SEMA4G: variants seen among roughly 807,000 people sequenced by gnomAD.
The protein encoded by SEMA4G is semaphorin 4G.
In SEMA4G, 59 loss-of-function variants were observed where a neutral mutation model predicts 81.2. That is an observed-to-expected ratio of 0.73 (90% CI 0.59 to 0.90). The LOEUF is 0.90. Ranked by LOEUF, SEMA4G falls within the 40% of genes least tolerant of loss-of-function variation. The pLI, the probability that SEMA4G is intolerant of heterozygous loss-of-function variation, is 0.00. For missense variants in SEMA4G, 952 were observed against 1,102.3 expected, an observed-to-expected ratio of 0.86 and a Z score of 1.93; for synonymous variants, 404 against 433.9, an observed-to-expected ratio of 0.93 and a Z score of 0.86.
intron 3 of SEMA4G, among the ~76,000 whole-genome samples, chr10:100,974,100 A>T (rs559098470): frequency 4.0e-5 from 6 of 151,828 alleles, no homozygotes; most frequent in Admixed American, 1.3e-4. Flanking sequence ...TTCTAATTCA[A>T]CCATCTGGTG....
rs1564799321 is a variant in SEMA4G, at chr10:100,983,220, G to A, written c.1691-85G>A. ...TTCTGGGTTCTGTGCTTGGTGCCAG[G>A]GACTTGGCAGTGAACAGTCTGGCTT... On this transcript the variant is annotated intron_variant, in intron 13 of 13. Transcript: ENST00000370250. 8 of 1,406,736 alleles carry A rather than the reference G, an allele frequency of 5.7e-6. No homozygotes were observed. The East Asian group carries it at 1.0e-4, about 18-fold the overall frequency. 87.1% of individuals were successfully genotyped at this position (1,406,736 alleles called of 1,614,324 possible). A position where few individuals can be genotyped will look rare whatever the true frequency, so the allele number is the denominator to read the frequency against.
At chr10:100,982,222 C>T (rs1032475667) in intron 13 of SEMA4G, among the ~76,000 whole-genome samples, 3 of 151,900 alleles carry the variant, frequency 2.0e-5, no homozygotes, top group Admixed American at 6.6e-5. Flanking sequence ...GAGGGAGCAG[C>T]AGGCAGAGGG....
exon 14 of SEMA4G, chr10:100,984,440 TC>T (rs1242415993): frequency 2.7e-6 from 4 of 1,498,886 alleles, no homozygotes; most frequent in Non-Finnish European, 3.6e-6. Context: ...AGGTGAGGAC[TC>T]CATCCTCCTG....
rs1314273440 is a variant in SEMA4G, at chr10:100,980,703, C to T, written c.1467+10C>T. On this transcript the variant is annotated intron_variant, in intron 11 of 13. Coordinates refer to ENST00000370250, the Ensembl canonical transcript of SEMA4G. ...CATCTCTCTATTGCAGGTAGCCCTTCTCTGTGACCCTTAATATAGCCTTGC... is the reference window on the plus strand; with the variant it reads ...CATCTCTCTATTGCAGGTAGCCCTTTTCTGTGACCCTTAATATAGCCTTGC... The T allele has an allele frequency of 6.2e-7, 1 of 1,610,362 alleles. No individual in the cohort carries two copies. The highest frequency in any genetic ancestry group is 8.5e-7 in the Non-Finnish European group (1 of 1,176,580).
At chr10:100,971,776 A>T (rs1211840750), upstream of SEMA4G, among the ~76,000 whole-genome samples, 1 of 152,100 alleles carries the variant, frequency 6.6e-6, no homozygotes, top group African/African-American at 2.4e-5. Context: ...AGGGTCCAAG[A>T]TGTGTCGGGA....
downstream of SEMA4G, chr10:100,985,172 G>A (rs1276666015): frequency 2.7e-6 from 1 of 365,216 alleles, no homozygotes; most frequent in Non-Finnish European, 4.9e-6. Flanking sequence ...GACTACAGCA[G>A]GGAAAGGGAG....
At chr10:100,972,963 A>G (rs753300939) in exon 1 of SEMA4G, 1 of 1,613,576 alleles carries the variant, frequency 6.2e-7, no homozygotes, top group Non-Finnish European at 8.5e-7. Context: ...CAGCAACTGC[A>G]GTCCCAGGAC....
exon 5 of SEMA4G, chr10:100,978,331 G>C: frequency 6.2e-7 from 1 of 1,613,724 alleles, no homozygotes; most frequent in Non-Finnish European, 8.5e-7. Flanking sequence ...CAGCTTCGAG[G>C]AGGGGAAGGA....
chr10:100,974,940 T>C (rs765025567), intron 3 of SEMA4G: 6 of 483,620 alleles, frequency 1.2e-5, no homozygotes, highest in Non-Finnish European at 2.1e-5. Flanking sequence ...AATGAGACTC[T>C]ATCTCTAATA....
chr10:100,973,036 G>A lies in SEMA4G; in HGVS notation c.124G>A (p.Glu42Lys). The change falls in exon 1 of 14, where the codon GAG (glutamate) becomes AAG (lysine). Residue 42 changes from glutamate (E) to lysine (K), a missense_variant and splice_region_variant. By Grantham distance (56) the Glu-to-Lys change is moderately conservative. This residue lies in a region of SEMA4G where 436 missense variants were observed against 488.2 expected (regional missense o/e 0.89). Transcript: ENST00000370250. This position sits in a 1 kb window ranked among gnomAD's most constrained non-coding sequence, Gnocchi z 5.5. ...CCCTCGGATGACCATACCCTATGAA[G>A]GTTAGACCCTCAACCTCAAAAGGCA... 1 of 1,614,148 alleles carries A rather than the reference G, an allele frequency of 6.2e-7. No homozygotes were observed. The highest frequency in any genetic ancestry group is 1.3e-5 in the African/African-American group (1 of 75,032).
upstream of SEMA4G, among the ~76,000 whole-genome samples, chr10:100,972,163 C>T (rs886640585): frequency 2.6e-5 from 4 of 152,162 alleles, no homozygotes; most frequent in Admixed American, 6.5e-5. Context: ...AAGGCACCCC[C>T]GCAGGCAGCA....
chr10:100,981,108 T>C (rs1255733071), intron 12 of SEMA4G, 60 bp from the exon 14 acceptor site: 3 of 1,610,816 alleles, frequency 1.9e-6, no homozygotes, highest in Middle Eastern at 1.6e-4. Context: ...CTATCTACCC[T>C]TTCACTGGGA....
Position 100,980,976 on chromosome 10 carries a change from C to A in SEMA4G, c.1622C>A (p.Ala541Asp), listed in dbSNP as rs760597640. The A allele has an allele frequency of 3.1e-6, 5 of 1,599,530 alleles. No individual in the cohort carries two copies. The African/African-American group carries it at 5.4e-5, about 17-fold the overall frequency. The change falls in exon 12 of 14, where the codon GCC (alanine) becomes GAC (aspartate). Residue 541 changes from alanine (A) to aspartate (D), a missense_variant. This residue lies in a region of SEMA4G where 385 missense variants were observed against 413.5 expected (regional missense o/e 0.93). Transcript: ENST00000370250. ...GCCTGCGCAGCAGCCACCACCATAGCCAACAGGTCCCAGGGAAGCAGGTGG... is the reference window on the plus strand; with the variant it reads ...GCCTGCGCAGCAGCCACCACCATAGACAACAGGTCCCAGGGAAGCAGGTGG...
At chr10:100,969,662 G>C (rs576210688), upstream of SEMA4G, 188 of 336,790 alleles carry the variant, frequency 5.6e-4, 5 homozygotes, top group South Asian at 3.9e-3. Flanking sequence ...GTCGGGCAAG[G>C]CCTCCCCCAC....
exon 9 of SEMA4G, chr10:100,979,952 G>T: frequency 6.2e-7 from 1 of 1,614,104 alleles, no homozygotes; most frequent in East Asian, 2.2e-5. Context: ...CGGCGCTGGG[G>T]TCGCTATGAG....
Position 100,973,739 on chromosome 10 carries a change from G to A in SEMA4G, c.336+130G>A. On this transcript the variant is annotated intron_variant, in intron 3 of 13. Transcript: ENST00000370250. This position sits in a 1 kb window ranked among gnomAD's most constrained non-coding sequence, Gnocchi z 5.5. The stretch of plus-strand genomic sequence containing the variant: ...AATCTCAGCAACCACAGTAAACATT[G>A]TAAGTATTGCCAGAGTGGCAAGCCA... The A allele has an allele frequency of 1.2e-6, 1 of 819,088 alleles. No individual in the cohort carries two copies. The highest frequency in any genetic ancestry group is 1.9e-6 in the Non-Finnish European group (1 of 518,248). The allele number at this position is 819,088 out of a possible 1,614,324, so 50.7% of individuals were successfully genotyped here.
chr10:100,975,878 G>A (rs1850758687), intron 3 of SEMA4G, among the ~76,000 whole-genome samples: 1 of 152,006 alleles, frequency 6.6e-6, no homozygotes, highest in Non-Finnish European at 1.5e-5. Context: ...CAACCTAGCG[G>A]CAGAGCAAGA....
At position 100,983,429 on chromosome 10, in the gene SEMA4G, T is replaced by C. The variant is rs755671543; in HGVS notation, c.1815T>C (p.Asp605=). ...TCAATGGGAGCATGGGCCTGAGCGA[T>C]GGGCAGGGTGGCTACCGTGTGGGCG... The change falls in exon 14 of 14, where the codon GAT becomes GAC. Residue 605 remains aspartate, a synonymous_variant. Coordinates refer to ENST00000370250, the Ensembl canonical transcript of SEMA4G. 13 of 1,613,638 alleles carry C rather than the reference T, an allele frequency of 8.1e-6. No individual in the cohort carries two copies. In the Admixed American group the frequency reaches 2.0e-4, roughly 25 times the overall value.
intron 13 of SEMA4G, 33 bp downstream of exon 14, chr10:100,981,262 C>T (rs200927600): frequency 4.5e-5 from 73 of 1,609,050 alleles, no homozygotes; most frequent in Middle Eastern, 1.7e-4. Context: ...GGTCTAGCTA[C>T]GCAGACTGTC....
Sources: allele counts gnomAD v4.1 joint callset (sites outside exome capture counted in the v4.1 genomes callset), GRCh38; gene constraint gnomAD v4.1.1; regional missense constraint gnomAD v4.1.1; non-coding constraint Gnocchi (gnomAD v3.1); transcripts MANE v1.5; gene names NCBI Gene and HGNC (gene_info 2026-07-23, HGNC 2026-07-21).